The following CTCF variants were observed in gnomAD, a reference collection of about 807,000 sequenced individuals.
The protein encoded by CTCF is CCCTC-binding factor.
In CTCF, 7 loss-of-function variants were observed where a neutral mutation model predicts 72.3. The observed-to-expected ratio is 0.10, with a 90% CI of 0.06 to 0.18. The LOEUF (loss-of-function observed/expected upper bound fraction) is 0.18, where lower values mean the gene tolerates loss of function less well. CTCF is among the 10% of genes least tolerant of loss of function. CTCF has a pLI of 1.00. For synonymous variants in CTCF, 374 were observed against 315.8 expected, an observed-to-expected ratio of 1.18 and a Z score of -1.95; for missense variants, 516 against 949.1, an observed-to-expected ratio of 0.54 and a Z score of 6.00.
At chr16:67,590,558 C>T (rs1278882884) in intron 2 of CTCF, among the ~76,000 whole-genome samples, 3 of 151,816 alleles carry the variant, frequency 2.0e-5, no homozygotes, top group Admixed American at 6.6e-5. Flanking sequence ...AGGATGGTCT[C>T]GATCTCCTGA....
At chr16:67,604,743 T>G (rs1388901013) in intron 2 of CTCF, among the ~76,000 whole-genome samples, 7 of 121,232 alleles carry the variant, frequency 5.8e-5, no homozygotes, top group African/African-American at 2.9e-4. Flanking sequence ...TTTTTTTTTT[T>G]TGTTTTTTGT....
chr16:67,595,002 AG>A (rs2051793080), intron 2 of CTCF, among the ~76,000 whole-genome samples: 1 of 152,184 alleles, frequency 6.6e-6, no homozygotes, highest in African/African-American at 2.4e-5. Context: ...AAATAGTCAA[AG>A]GTGAGGTTGG....
At chr16:67,633,070 G>A (rs2052385458) in intron 10 of CTCF, among the ~76,000 whole-genome samples, 1 of 152,178 alleles carries the variant, frequency 6.6e-6, no homozygotes, top group African/African-American at 2.4e-5. Context: ...GCTGTGCATT[G>A]CAGTCACTTA....
intron 2 of CTCF, among the ~76,000 whole-genome samples, chr16:67,591,099 C>A (rs576974401): frequency 4.6e-5 from 7 of 151,848 alleles, no homozygotes; most frequent in African/African-American, 1.7e-4. Flanking sequence ...TTGAGACTAG[C>A]CTAGCCAACA....
intron 8 of CTCF, chr16:67,627,772 C>T (rs1026200156): frequency 6.6e-6 from 1 of 152,510 alleles, no homozygotes; most frequent in African/African-American, 2.4e-5. Flanking sequence ...CACAGTGAAA[C>T]CCCGTCTGTA....
intron 2 of CTCF, chr16:67,572,521 A>G (rs1360403501): frequency 6.6e-6 from 1 of 152,188 alleles, no homozygotes; most frequent in Non-Finnish European, 1.5e-5. Context: ...TTGGAGTCAC[A>G]AGAAAGATAA....
At chr16:67,620,945 G>T in intron 6 of CTCF, 128 bp downstream of exon 6, 1 of 685,606 alleles carries the variant, frequency 1.5e-6, no homozygotes, top group Non-Finnish European at 2.2e-6. Context: ...GTATGGAATT[G>T]ATAATGCTTC....
intron 2 of CTCF, among the ~76,000 whole-genome samples, chr16:67,586,294 T>C (rs2051667695): frequency 6.6e-6 from 1 of 152,006 alleles, no homozygotes; most frequent in African/African-American, 2.4e-5. Flanking sequence ...CCCAGCACTT[T>C]GGAAGGCCGA....
At chr16:67,599,357 T>G (rs927397319) in intron 2 of CTCF, among the ~76,000 whole-genome samples, 8 of 152,176 alleles carry the variant, frequency 5.3e-5, no homozygotes, top group East Asian at 1.9e-4. Context: ...GTCGTGCCAC[T>G]GCGCTCCAGC....
At chr16:67,580,454 C>T (rs981494480) in intron 2 of CTCF, among the ~76,000 whole-genome samples, 2 of 152,140 alleles carry the variant, frequency 1.3e-5, no homozygotes, top group Non-Finnish European at 2.9e-5. Flanking sequence ...TCCCCTCCTC[C>T]CAGGCCATCC....
chr16:67,593,715 C>T (rs1376700399), intron 2 of CTCF, among the ~76,000 whole-genome samples: 1 of 152,054 alleles, frequency 6.6e-6, no homozygotes, highest in Admixed American at 6.6e-5. Context: ...TCTGATCTCC[C>T]CAGGAAATAA....
intron 10 of CTCF, among the ~76,000 whole-genome samples, chr16:67,635,245 C>T (rs2052414290): frequency 1.3e-5 from 2 of 152,002 alleles, no homozygotes; most frequent in African/African-American, 4.8e-5. Flanking sequence ...TGGTCTCGAT[C>T]TCCTGACCTT....
At chr16:67,610,203 T>A (rs2052041329) in intron 2 of CTCF, among the ~76,000 whole-genome samples, 2 of 152,142 alleles carry the variant, frequency 1.3e-5, no homozygotes, top group Admixed American at 6.6e-5. Flanking sequence ...TCGGTATGGA[T>A]TTCACTGATT....
chr16:67,634,700 T>A (rs1475314125), intron 10 of CTCF, among the ~76,000 whole-genome samples: 1 of 151,190 alleles, frequency 6.6e-6, no homozygotes, highest in African/African-American at 2.4e-5. Context: ...TCCTTTTTTT[T>A]TTTTTCTTAT....
At chr16:67,571,863 A>G (rs914239167) in intron 2 of CTCF, among the ~76,000 whole-genome samples, 4 of 152,198 alleles carry the variant, frequency 2.6e-5, no homozygotes, top group African/African-American at 9.7e-5. Context: ...AATATAATGG[A>G]CATTATATGG....
At chr16:67,601,294 CGTGT>C (rs58241150) in intron 2 of CTCF, among the ~76,000 whole-genome samples, 11,222 of 98,512 alleles carry the variant, frequency 0.11, 1,019 homozygotes, top group African/African-American at 0.27. Flanking sequence ...ACTCTGTCAC[CGTGT>C]GTGTGTGTGT....
At chr16:67,574,410 C>G (rs1010158748) in intron 2 of CTCF, among the ~76,000 whole-genome samples, 7 of 151,490 alleles carry the variant, frequency 4.6e-5, no homozygotes, top group African/African-American at 1.7e-4. Flanking sequence ...GGCGTGATCT[C>G]GGCTCACTGC....
At chr16:67,589,567 G>T (rs2051711342) in intron 2 of CTCF, among the ~76,000 whole-genome samples, 1 of 152,110 alleles carries the variant, frequency 6.6e-6, no homozygotes. Context: ...CGTTGTTACA[G>T]TACTCATCAC....
chr16:67,631,882 G>T (rs1195351158), intron 10 of CTCF, among the ~76,000 whole-genome samples: 1 of 151,534 alleles, frequency 6.6e-6, no homozygotes, highest in East Asian at 1.9e-4. Context: ...AGACCAGCCT[G>T]GGGAACATGG....
Sources: gnomAD v4.1 joint callset for allele counts (sites outside exome capture counted in the v4.1 genomes callset) on GRCh38, gnomAD v4.1.1 for gene constraint, MANE v1.5 for transcripts, NCBI Gene and HGNC (gene_info 2026-07-23, HGNC 2026-07-21) for gene names.